Variants in BPTF observed in about 807,000 individuals in gnomAD.
BPTF encodes nucleosome-remodeling factor subunit BPTF.
Under a neutral mutation model 292.5 loss-of-function variants are expected in BPTF, and 18 were observed. The observed-to-expected ratio is 0.06, with a 90% CI of 0.04 to 0.09. The LOEUF (loss-of-function observed/expected upper bound fraction) is 0.09. Among genes scored for constraint, BPTF ranks in the 10% least tolerant of loss-of-function variants. The pLI, the probability that BPTF is intolerant of heterozygous loss-of-function variation, is 1.00. For synonymous variants in BPTF, 1,225 were observed against 1,251.9 expected, an observed-to-expected ratio of 0.98 and a Z score of 0.45; for missense variants, 2,726 against 3,498.7, an observed-to-expected ratio of 0.78 and a Z score of 5.57.
chr17:67,940,055 TA>T, intron 18 of BPTF, among the ~76,000 whole-genome samples: 1 of 142,928 alleles, frequency 7.0e-6, no homozygotes, highest in African/African-American at 2.5e-5. Flanking sequence ...TCATATGAAT[TA>T]ATTTTTTATT....
rs782239470 is a variant in BPTF at position 67,982,310 on chromosome 17, A to G, written c.*22A>G. 4.4e-6 allele frequency: 7 copies of G among 1,599,740 alleles called. No homozygotes were observed. The highest frequency in any genetic ancestry group is 6.0e-6 in the Non-Finnish European group (7 of 1,168,456). On this transcript the variant is annotated 3_prime_UTR_variant, in exon 28 of 28. Coordinates refer to ENST00000306378, the MANE Select transcript of BPTF (RefSeq NM_182641.4). ...TTAAAGTTCAGCGTGTTAACCTAAC[A>G]TAAAACACAGCAAGAATCTGGTTGT...
chr17:67,916,568 C>T (rs553324972), intron 11 of BPTF, among the ~76,000 whole-genome samples: 4 of 151,190 alleles, frequency 2.6e-5, no homozygotes, highest in African/African-American at 7.3e-5. Context: ...CCAGCCTGAG[C>T]GACAAGAGCA....
At position 67,920,034 on chromosome 17, in the gene BPTF, CACA is replaced by C. The variant is rs2063331976; in HGVS notation, c.5455_5457del (p.Thr1819del). Reference sequence around the variant, plus strand: ...CCATAGAAACATCCGAAACTGAAATCACAACAACAGAAATAATTAAGAGGAGAG... The same window carrying C: ...CCATAGAAACATCCGAAACTGAAATCACAACAGAAATAATTAAGAGGAGAG... On this transcript the variant is annotated inframe_deletion, in exon 13 of 28. Coordinates refer to ENST00000306378, the MANE Select transcript of BPTF (RefSeq NM_182641.4). The C allele has an allele frequency of 6.2e-7, 1 of 1,610,126 alleles. No homozygotes were observed. Among genetic ancestry groups the C allele is most frequent in the South Asian group, 1.1e-5 (1 of 90,586 alleles).
chr17:67,833,966 G>C (rs2056928736), intron 1 of BPTF, among the ~76,000 whole-genome samples: 1 of 152,108 alleles, frequency 6.6e-6, no homozygotes, highest in Non-Finnish European at 1.5e-5. Context: ...ACTGACTTCT[G>C]AATCTCCCTT....
intron 2 of BPTF, among the ~76,000 whole-genome samples, chr17:67,864,724 C>G (rs1460256197): frequency 1.3e-5 from 2 of 152,062 alleles, no homozygotes; most frequent in African/African-American, 4.8e-5. Flanking sequence ...TATCCCTTAT[C>G]TAAAATGCTG....
chr17:67,901,266 T>C (rs2061819890), intron 7 of BPTF, among the ~76,000 whole-genome samples: 1 of 151,426 alleles, frequency 6.6e-6, no homozygotes, highest in Non-Finnish European at 1.5e-5. Context: ...CTTAGATCTC[T>C]GCCTTAGCAA....
At chr17:67,843,143 CATATAA>C (rs2057698463) in intron 1 of BPTF, among the ~76,000 whole-genome samples, 1 of 148,490 alleles carries the variant, frequency 6.7e-6, no homozygotes, top group Non-Finnish European at 1.5e-5. Flanking sequence ...TATCTACATA[CATATAA>C]ATATATATCT....
At chr17:67,858,503 C>G (rs563918372) in intron 2 of BPTF, among the ~76,000 whole-genome samples, 1 of 146,772 alleles carries the variant, frequency 6.8e-6, no homozygotes, top group South Asian at 2.1e-4. Flanking sequence ...TGCAATGAGC[C>G]GAGATGGCGC....
At chr17:67,863,018 C>T (rs1295789499) in intron 2 of BPTF, among the ~76,000 whole-genome samples, 2 of 152,092 alleles carry the variant, frequency 1.3e-5, no homozygotes, top group African/African-American at 4.8e-5. Flanking sequence ...CAGCAGCACC[C>T]CACTTCCCGT....
intron 7 of BPTF, among the ~76,000 whole-genome samples, chr17:67,903,579 A>G (rs574258766): frequency 2.0e-5 from 3 of 152,300 alleles, no homozygotes; most frequent in Non-Finnish European, 4.4e-5. Flanking sequence ...TATGGAAAGG[A>G]TATAGTATTT....
At position 67,933,663 on chromosome 17, in the gene BPTF, A is replaced by G. The variant is rs568791825; in HGVS notation, c.6259+1644A>G. 2.6e-4 allele frequency among the ~76,000 whole-genome samples: 39 copies of G among 152,348 alleles called. 1 individual carries two copies. The highest frequency in any genetic ancestry group is 9.1e-4 in the African/African-American group (38 of 41,590). On this transcript the variant is annotated intron_variant, in intron 18 of 27. Transcript: ENST00000306378. Reference sequence around the variant, plus strand: ...ATGTCATATTAAAGTGTAAAAAGCAAAACTATTTGAAATCAAGGAGAAATT... The same window carrying G: ...ATGTCATATTAAAGTGTAAAAAGCAGAACTATTTGAAATCAAGGAGAAATT...
At position 67,867,185 on chromosome 17, in the gene BPTF, A is replaced by G. The variant is rs138855849; in HGVS notation, c.1660+498A>G. On this transcript the variant is annotated intron_variant, in intron 3 of 27. Coordinates refer to ENST00000306378, the MANE Select transcript of BPTF (RefSeq NM_182641.4). ...TTCCACTGTAAATTAGGGATGCTATACATTTTAGTGTTTTATTTCTGCCTT... is the reference window on the plus strand; with the variant it reads ...TTCCACTGTAAATTAGGGATGCTATGCATTTTAGTGTTTTATTTCTGCCTT... Among the ~76,000 whole-genome samples, 129 of 152,274 alleles carry G rather than the reference A, an allele frequency of 8.5e-4. 1 individual carries two copies. The East Asian group carries it at 0.024, about 29-fold the overall frequency.
Position 67,940,563 on chromosome 17 carries a change from A to G in BPTF, c.6384A>G (p.Ser2128=). 1 of 1,614,116 alleles carries G rather than the reference A, an allele frequency of 6.2e-7. No individual in the cohort carries two copies. The highest frequency in any genetic ancestry group is 8.5e-7 in the Non-Finnish European group (1 of 1,180,016). The change falls in exon 19 of 28, where the codon TCA becomes TCG. Residue 2128 remains serine, a synonymous_variant. Coordinates refer to ENST00000306378, the MANE Select transcript of BPTF (RefSeq NM_182641.4). The part of the protein sequence containing the change: ...QKSLTSATST[S]NIQSSASQPP... ...GCTTAACTTCAGCAACGTCCACTTC[A>G]AATATACAGTCTTCAGCCTCACAAC...
chr17:67,862,852 C>T (rs1488236330), intron 2 of BPTF, among the ~76,000 whole-genome samples: 1 of 151,006 alleles, frequency 6.6e-6, no homozygotes, highest in Non-Finnish European at 1.5e-5. Flanking sequence ...CTTCTAGCAC[C>T]CCAAGTGTCC....
At chr17:67,920,496 T>A (rs1302458690) in intron 13 of BPTF, among the ~76,000 whole-genome samples, 6 of 152,112 alleles carry the variant, frequency 3.9e-5, no homozygotes, top group African/African-American at 1.4e-4. Flanking sequence ...TGTAAGTGGG[T>A]CAATAAAGGT....
chr17:67,892,654 A>G (rs2061195072), intron 5 of BPTF, among the ~76,000 whole-genome samples: 1 of 152,178 alleles, frequency 6.6e-6, no homozygotes, highest in South Asian at 2.1e-4. Context: ...CATTGCAGCA[A>G]TTGCTTAAAA....
Position 67,967,879 on chromosome 17 carries a change from A to G in BPTF, c.8539+1223A>G, listed in dbSNP as rs1446555462. 3.3e-5 allele frequency among the ~76,000 whole-genome samples: 5 copies of G among 151,310 alleles called. 1 individual carries two copies. Among genetic ancestry groups the G allele is most frequent in the African/African-American group, 1.2e-4 (5 of 40,734 alleles). ...ATCAATAGAGGAGTAGCTATATCAG[A>G]TGGTGTCTGAGTGGAGTATTATGCA... On this transcript the variant is annotated intron_variant, in intron 26 of 27. Transcript: ENST00000306378.
At position 67,948,017 on chromosome 17, in the gene BPTF, A is replaced by C; in HGVS notation, c.7701-64A>C. 3 of 1,481,340 alleles carry C rather than the reference A, an allele frequency of 2.0e-6. No homozygotes were observed. The South Asian group carries it at 3.6e-5, about 18-fold the overall frequency. The allele number at this position is 1,481,340 out of a possible 1,614,324, so 91.8% of individuals were successfully genotyped here. A position where few individuals can be genotyped will look rare whatever the true frequency, so the allele number is the denominator to read the frequency against. On this transcript the variant is annotated intron_variant, in intron 22 of 27. Coordinates refer to ENST00000306378, the MANE Select transcript of BPTF (RefSeq NM_182641.4). ...GTCTCATCTGTAGAGGCATAGAAGA[A>C]TGATGTCTTAAGCCTTTCAAAATGA...
At chr17:67,856,094 G>C (rs555532791) in intron 2 of BPTF, among the ~76,000 whole-genome samples, 2 of 152,168 alleles carry the variant, frequency 1.3e-5, no homozygotes, top group Non-Finnish European at 2.9e-5. Context: ...CTTGAGCTAT[G>C]ATTTTATTGA....
Sources: gnomAD v4.1 joint callset for allele counts (sites outside exome capture counted in the v4.1 genomes callset) on GRCh38, gnomAD v4.1.1 for gene constraint, MANE v1.5 for transcripts, NCBI Gene and HGNC (gene_info 2026-07-23, HGNC 2026-07-21) for gene names.